The following ADAMTS17 variants were observed in gnomAD, a reference collection of about 807,000 sequenced individuals.
The protein encoded by ADAMTS17 is A disintegrin and metalloproteinase with thrombospondin motifs 17.
In ADAMTS17, 113 loss-of-function variants were observed where a neutral mutation model predicts 141.5. The observed-to-expected ratio is 0.80, with a 90% CI of 0.69 to 0.93. The LOEUF is 0.93. Ranked by LOEUF, ADAMTS17 falls within the 40% of genes least tolerant of loss-of-function variation. ADAMTS17 has a pLI of 0.00. For synonymous variants in ADAMTS17, 768 were observed against 630.6 expected, an observed-to-expected ratio of 1.22 and a Z score of -3.27; for missense variants, 1,659 against 1,517.9, an observed-to-expected ratio of 1.09 and a Z score of -1.54.
chr15:100,138,189 G>C (rs186996042), intron 10 of ADAMTS17, among the ~76,000 whole-genome samples: 1 of 152,106 alleles, frequency 6.6e-6, no homozygotes, highest in African/African-American at 2.4e-5. Flanking sequence ...TCAGAAAAAG[G>C]GGTTCTGGTT....
intron 4 of ADAMTS17, among the ~76,000 whole-genome samples, chr15:100,263,936 C>T (rs1383217304): frequency 2.0e-5 from 3 of 152,212 alleles, no homozygotes; most frequent in Non-Finnish European, 2.9e-5. Context: ...CCGCTCAACA[C>T]GGCTGCACCC....
chr15:100,341,542 C>A, intron 1 of ADAMTS17, 133 bp from the exon 2 acceptor site: 1 of 899,658 alleles, frequency 1.1e-6, no homozygotes, highest in Non-Finnish European at 1.4e-6. Context: ...CCTCGCCCGG[C>A]ACCTCCACGC....
At chr15:100,078,464 C>T (rs996106605) in intron 15 of ADAMTS17, among the ~76,000 whole-genome samples, 9 of 152,026 alleles carry the variant, frequency 5.9e-5, no homozygotes, top group Admixed American at 4.6e-4. Context: ...GAATATTCAT[C>T]GGGGAAAGAA....
intron 15 of ADAMTS17, among the ~76,000 whole-genome samples, chr15:100,071,057 A>G (rs4965581): frequency 0.94 from 141,271 of 149,668 alleles, 67,586 homozygotes; most frequent in East Asian, 1. Flanking sequence ...ATGATAAAGC[A>G]GATATCACCA....
At chr15:100,319,624 C>T (rs1006005677) in intron 3 of ADAMTS17, among the ~76,000 whole-genome samples, 1 of 152,238 alleles carries the variant, frequency 6.6e-6, no homozygotes, top group South Asian at 2.1e-4. Flanking sequence ...GCAAGAGAAT[C>T]GCTTGAACCC....
chr15:100,159,136 A>G (rs1020479246), intron 8 of ADAMTS17, among the ~76,000 whole-genome samples: 3 of 152,206 alleles, frequency 2.0e-5, no homozygotes, highest in Admixed American at 2.0e-4. Flanking sequence ...TACGCAAAAA[A>G]ATTGAAACCA....
intron 19 of ADAMTS17, among the ~76,000 whole-genome samples, chr15:99,996,757 C>T (rs2060810411): frequency 6.6e-6 from 1 of 151,974 alleles, no homozygotes; most frequent in Non-Finnish European, 1.5e-5. Context: ...GGGAAGCCTG[C>T]CCTTTATTCA....
rs976664310 is a variant in ADAMTS17 at position 100,341,945 on chromosome 15, G to C, written c.-46C>G. The stretch of plus-strand genomic sequence containing the variant: ...CCCCCGGACCGTGGCGGCGAAGCAG[G>C]AGCGCGCTAGGCGGCGGCGCCAGCC... On this transcript the variant is annotated 5_prime_UTR_variant, in exon 1 of 22. Transcript: ENST00000268070. The C allele has an allele frequency of 9.7e-6, 15 of 1,546,126 alleles. No individual in the cohort carries two copies. Among genetic ancestry groups the C allele is most frequent in the African/African-American group, 9.6e-5 (7 of 73,094 alleles).
In ADAMTS17 at chr15:100,041,011, T is replaced by C. The variant is rs181554149; in HGVS notation, c.2591+7846A>G. On this transcript the variant is annotated intron_variant, in intron 18 of 21. Transcript: ENST00000268070. Reference sequence around the variant, plus strand: ...ACCATATCTTTTCAGATTGTGGCAATAGCTAAAGATCCACGTATTCCAGGC... The same window carrying C: ...ACCATATCTTTTCAGATTGTGGCAACAGCTAAAGATCCACGTATTCCAGGC... 1.4e-4 allele frequency among the ~76,000 whole-genome samples: 22 copies of C among 152,358 alleles called. No individual in the cohort carries two copies. The East Asian group carries it at 4.0e-3, about 28-fold the overall frequency.
chr15:100,087,253 T>C lies in ADAMTS17; in HGVS notation c.2137+9103A>G, dbSNP rs188572522. On this transcript the variant is annotated intron_variant, in intron 15 of 21. Transcript: ENST00000268070. ...GAAAATCTAGAAGAAATGGATAAAT[T>C]CCTCAACACATACACCCTCCCAAGA... Among the ~76,000 whole-genome samples the C allele has an allele frequency of 7.3e-3, 1,111 of 152,266 alleles. 12 individuals carry two copies. The highest frequency in any genetic ancestry group is 0.026 in the African/African-American group (1,063 of 41,560).
rs145686969 is a variant in ADAMTS17, at chr15:100,116,899, G to A, written c.1836C>T (p.His612=). The part of the protein sequence containing the change: ...PSFRDQQCQA[H]DRLSPKKKGL... ...CTTTCTTCTTGGGGCTCAGCCGGTCGTGTGCCTGGCACTGCTGGTCCCGGA... is the reference window on the plus strand; with the variant it reads ...CTTTCTTCTTGGGGCTCAGCCGGTCATGTGCCTGGCACTGCTGGTCCCGGA... The change falls in exon 13 of 22, where the codon CAC becomes CAT. Residue 612 remains histidine, a synonymous_variant. Transcript: ENST00000268070. 35 of 1,614,186 alleles carry A rather than the reference G, an allele frequency of 2.2e-5. No individual in the cohort carries two copies. In the African/African-American group the frequency reaches 3.2e-4, roughly 15 times the overall value.
At chr15:100,219,182 G>A (rs2042058220) in intron 7 of ADAMTS17, among the ~76,000 whole-genome samples, 1 of 152,122 alleles carries the variant, frequency 6.6e-6, no homozygotes, top group South Asian at 2.1e-4. Context: ...TAGTGCTTGG[G>A]GACAAGAGTG....
chr15:100,220,729 C>T (rs1002000524), intron 7 of ADAMTS17, among the ~76,000 whole-genome samples: 4 of 152,204 alleles, frequency 2.6e-5, no homozygotes, highest in Non-Finnish European at 5.9e-5. Context: ...TCTGTGCACT[C>T]GCCTCTTCTG....
intron 7 of ADAMTS17, among the ~76,000 whole-genome samples, chr15:100,218,940 C>A (rs2141769998): frequency 6.6e-6 from 1 of 152,264 alleles, no homozygotes; most frequent in Middle Eastern, 3.4e-3. Flanking sequence ...TCTACACATG[C>A]ATATGTACCT....
intron 14 of ADAMTS17, among the ~76,000 whole-genome samples, chr15:100,098,677 T>A (rs922697431): frequency 1.4e-5 from 2 of 144,720 alleles, no homozygotes; most frequent in African/African-American, 5.2e-5. Context: ...AAAAAAAAAA[T>A]TATAAGGGCT....
intron 20 of ADAMTS17, among the ~76,000 whole-genome samples, chr15:99,986,813 G>A (rs2060597021): frequency 6.6e-6 from 1 of 152,142 alleles, no homozygotes; most frequent in Admixed American, 6.5e-5. Context: ...GGAATACATA[G>A]ACCCGGCATT....
At chr15:100,239,731 G>A (rs2042771480) in intron 7 of ADAMTS17, among the ~76,000 whole-genome samples, 1 of 152,180 alleles carries the variant, frequency 6.6e-6, no homozygotes, top group Non-Finnish European at 1.5e-5. Context: ...TCAGAGAGAA[G>A]GGACATGGTG....
At chr15:100,039,367 A>G (rs551030407) in intron 18 of ADAMTS17, among the ~76,000 whole-genome samples, 7 of 152,276 alleles carry the variant, frequency 4.6e-5, no homozygotes, top group Admixed American at 6.5e-5. Flanking sequence ...CTTTTTCAGT[A>G]TAAGTGTTTA....
At chr15:100,075,199 T>C (rs2034282485) in intron 15 of ADAMTS17, among the ~76,000 whole-genome samples, 1 of 152,252 alleles carries the variant, frequency 6.6e-6, no homozygotes, top group Non-Finnish European at 1.5e-5. Flanking sequence ...TTATATCATT[T>C]TGACATTGTA....
Sources: gnomAD v4.1 joint callset for allele counts (sites outside exome capture counted in the v4.1 genomes callset) on GRCh38, gnomAD v4.1.1 for gene constraint, MANE v1.5 for transcripts, NCBI Gene and HGNC (gene_info 2026-07-23, HGNC 2026-07-21) for gene names.